PANX1: variants seen among roughly 807,000 people sequenced by gnomAD.
The protein encoded by PANX1 is pannexin 1.
Under a neutral mutation model 38.7 loss-of-function variants are expected in PANX1, and 30 were observed. The ratio of observed to expected loss-of-function variants is 0.78; its 90% CI spans 0.58 to 1.05. The LOEUF (loss-of-function observed/expected upper bound fraction) is 1.05, where lower values mean the gene tolerates loss of function less well. PANX1 is among the 50% of genes least tolerant of loss of function. The pLI is 0.00. For synonymous variants in PANX1, 230 were observed against 212.2 expected, an observed-to-expected ratio of 1.08 and a Z score of -0.73; for missense variants, 551 against 517.2, an observed-to-expected ratio of 1.07 and a Z score of -0.63.
chr11:94,175,403 T>A, intron 2 of PANX1, among the ~76,000 whole-genome samples: 1 of 151,786 alleles, frequency 6.6e-6, no homozygotes, highest in East Asian at 1.9e-4. Context: ...CTAATTACAA[T>A]GAGCTGTGCT....
chr11:94,158,498 C>G (rs11020664), intron 2 of PANX1, among the ~76,000 whole-genome samples: 79,766 of 150,732 alleles, frequency 0.53, 21,887 homozygotes, highest in African/African-American at 0.67. Flanking sequence ...GTATTTTATT[C>G]TCTTTGAAGC....
chr11:94,165,867 C>T (rs375673991), intron 2 of PANX1, among the ~76,000 whole-genome samples: 4 of 152,104 alleles, frequency 2.6e-5, no homozygotes, highest in South Asian at 2.1e-4. Flanking sequence ...GAGCTGAGAT[C>T]GCACCATTGC....
In PANX1 at chr11:94,179,683, A is replaced by T; in HGVS notation, c.627A>T (p.Leu209Phe). The T allele has an allele frequency of 6.2e-7, 1 of 1,613,640 alleles. No homozygotes were observed. Among genetic ancestry groups the T allele is most frequent in the East Asian group, 2.2e-5 (1 of 44,880 alleles). Residue 209 changes from leucine (L) to phenylalanine (F), a missense_variant, in exon 4 of 5, where the codon TTA (leucine) becomes TTT (phenylalanine). By Grantham distance (22) the Leu-to-Phe change is conservative (BLOSUM62 0). Transcript: ENST00000227638. ...AGACAAAGAAAAATTCTAATAATTT[A>T]ATCATCAAGTACATTAGCTGCCGCC... is the stretch of plus-strand genomic sequence containing the variant. The part of the protein sequence containing the change: ...YLKTKKNSNN[L>F]IIKYISCRLL...
At chr11:94,171,856 G>C (rs1350801086) in intron 2 of PANX1, among the ~76,000 whole-genome samples, 3 of 150,612 alleles carry the variant, frequency 2.0e-5, no homozygotes, top group Non-Finnish European at 2.9e-5. Flanking sequence ...ACAGTCTCGG[G>C]GGGTGGGGGG....
chr11:94,168,845 G>A, intron 2 of PANX1, among the ~76,000 whole-genome samples: 1 of 151,526 alleles, frequency 6.6e-6, no homozygotes, highest in East Asian at 1.9e-4. Flanking sequence ...TAAGACTCAG[G>A]GCATCTTTTC....
At chr11:94,144,405 C>G (rs1946802755) in intron 1 of PANX1, among the ~76,000 whole-genome samples, 2 of 151,974 alleles carry the variant, frequency 1.3e-5, no homozygotes, top group East Asian at 3.9e-4. Flanking sequence ...CTGGCCCTTT[C>G]CTTCCATGGG....
At chr11:94,150,252 T>C (rs1047541296) in intron 1 of PANX1, among the ~76,000 whole-genome samples, 5 of 152,130 alleles carry the variant, frequency 3.3e-5, no homozygotes, top group Non-Finnish European at 5.9e-5. Flanking sequence ...TTGAGTTGGA[T>C]TGGAGCATTG....
rs185614258 is a variant in PANX1 at position 94,148,749 on chromosome 11, G to A, written c.182-4742G>A. On this transcript the variant is annotated intron_variant, in intron 1 of 4. Coordinates refer to ENST00000227638, the MANE Select transcript of PANX1 (RefSeq NM_015368.4). ...TTGTTGTGTAACTTAAAATCATTTC[G>A]CAGACTTTTAAAATCATGTGTATAT... Among the ~76,000 whole-genome samples the A allele has an allele frequency of 1.1e-4, 17 of 152,048 alleles. No individual in the cohort carries two copies. The South Asian group carries it at 1.2e-3, about 11-fold the overall frequency.
intron 3 of PANX1, 126 bp downstream of exon 3, chr11:94,178,718 C>A: frequency 1.4e-6 from 1 of 691,026 alleles, no homozygotes; most frequent in Non-Finnish European, 2.5e-6. Context: ...AGGGGGACGT[C>A]ATGCACCTAG....
chr11:94,156,869 C>A (rs1269348974), intron 2 of PANX1, among the ~76,000 whole-genome samples: 5 of 151,848 alleles, frequency 3.3e-5, no homozygotes, highest in Admixed American at 6.6e-5. Flanking sequence ...AATGCTATCC[C>A]TCCCCACTCC....
chr11:94,130,056 G>A (rs1946609430), intron 1 of PANX1, among the ~76,000 whole-genome samples: 1 of 152,228 alleles, frequency 6.6e-6, no homozygotes, highest in Non-Finnish European at 1.5e-5. Flanking sequence ...TTACAAATGT[G>A]AGATGAACAA....
intron 1 of PANX1, among the ~76,000 whole-genome samples, chr11:94,134,611 A>T (rs1946665755): frequency 1.3e-5 from 2 of 151,686 alleles, no homozygotes; most frequent in African/African-American, 4.8e-5. Context: ...ATGCCCTTAG[A>T]AAAAGAAGAA....
chr11:94,148,844 C>T (rs1012275207), intron 1 of PANX1, among the ~76,000 whole-genome samples: 3 of 152,126 alleles, frequency 2.0e-5, no homozygotes, highest in Non-Finnish European at 4.4e-5. Flanking sequence ...AGAACAACCC[C>T]AGGATTTTCT....
At chr11:94,166,788 C>G (rs1947105104) in intron 2 of PANX1, among the ~76,000 whole-genome samples, 1 of 152,066 alleles carries the variant, frequency 6.6e-6, no homozygotes, top group Non-Finnish European at 1.5e-5. Flanking sequence ...CTCCTTTGCC[C>G]AAGTTGAAAG....
intron 1 of PANX1, among the ~76,000 whole-genome samples, chr11:94,143,104 A>G (rs1223892787): frequency 6.6e-6 from 1 of 152,220 alleles, no homozygotes; most frequent in Non-Finnish European, 1.5e-5. Context: ...AGAGTCACTA[A>G]TCTTTGTTTC....
At chr11:94,134,673 C>T (rs1364191664) in intron 1 of PANX1, among the ~76,000 whole-genome samples, 2 of 144,840 alleles carry the variant, frequency 1.4e-5, no homozygotes, top group Non-Finnish European at 3.0e-5. Flanking sequence ...CCTCTTCCTC[C>T]TTCTCTCCCT....
intron 1 of PANX1, among the ~76,000 whole-genome samples, chr11:94,131,136 G>A (rs1331649306): frequency 1.3e-5 from 2 of 151,938 alleles, no homozygotes; most frequent in Non-Finnish European, 2.9e-5. Flanking sequence ...CAAGGACCCG[G>A]GAGTAAAAGA....
intron 1 of PANX1, among the ~76,000 whole-genome samples, chr11:94,139,679 C>G (rs894129043): frequency 6.6e-6 from 1 of 152,136 alleles, no homozygotes; most frequent in Non-Finnish European, 1.5e-5. Context: ...GAGTTGATCA[C>G]TAGTGGCTCA....
chr11:94,162,658 G>A (rs1173854442), intron 2 of PANX1, among the ~76,000 whole-genome samples: 1 of 152,124 alleles, frequency 6.6e-6, no homozygotes, highest in Non-Finnish European at 1.5e-5. Context: ...CTGACCCCTT[G>A]CGCTTCCCGG....
Sources: allele counts gnomAD v4.1 joint callset (sites outside exome capture counted in the v4.1 genomes callset), GRCh38; gene constraint gnomAD v4.1.1; transcripts MANE v1.5; gene names NCBI Gene and HGNC (gene_info 2026-07-23, HGNC 2026-07-21).